Variants in PIGG observed in about 807,000 individuals in gnomAD.
PIGG encodes phosphatidylinositol glycan anchor biosynthesis class G (EMM blood group).
PIGG carries 70 observed loss-of-function variants against 83.2 expected under a neutral mutation model. The ratio of observed to expected loss-of-function variants is 0.84; its 90% CI spans 0.69 to 1.03. The LOEUF is 1.03. PIGG is among the 50% of genes least tolerant of loss of function. PIGG has a pLI of 0.00. For missense variants in PIGG, 1,257 were observed against 1,233.6 expected (o/e 1.02, Z -0.28); for synonymous variants, 532 against 519.5 (o/e 1.02, Z -0.33).
chr4:533,744 T>A, intron 11 of PIGG, 74 bp from the exon 12 acceptor site: 1 of 1,407,802 alleles, frequency 7.1e-7, no homozygotes, highest in Non-Finnish European at 1.0e-6. Context: ...GCTAACATCG[T>A]GGCTCACGCT....
In PIGG at chr4:528,092, G is replaced by A. The variant is rs987853558; in HGVS notation, c.2261+862G>A. ...TGACAGTGACCGTCCCAGTGAGGTC[G>A]GTGCTCTGATAGTGACCCTCTCAGT... On this transcript the variant is annotated intron_variant, in intron 10 of 12. Coordinates refer to ENST00000453061, the MANE Select transcript of PIGG (RefSeq NM_001127178.3). This position sits in a 1 kb window ranked among gnomAD's most constrained non-coding sequence, Gnocchi z 4.8. 3.1e-5 allele frequency: 31 copies of A among 985,284 alleles called. No individual in the cohort carries two copies. In the African/African-American group the frequency reaches 3.3e-4, roughly 11 times the overall value. The allele number at this position is 985,284 out of a possible 1,614,324, so 61.0% of individuals were successfully genotyped here.
In PIGG at chr4:521,783, G is replaced by A. The variant is rs747223582; in HGVS notation, c.1456G>A (p.Val486Ile). ...FYLVILVLSA[V>I]HVIVCTSAES... ...TTTGGTGATCCTGGTTCTTTCGGCC[G>A]TTCACGTCATTGTGTGCACCTCAGC... Residue 486 changes from valine (V) to isoleucine (I), a missense_variant, in exon 8 of 13, where the codon GTT (valine) becomes ATT (isoleucine). By Grantham distance (29) the Val-to-Ile change is conservative. Coordinates refer to ENST00000453061, the MANE Select transcript of PIGG (RefSeq NM_001127178.3). 57 of 1,614,080 alleles carry A rather than the reference G, an allele frequency of 3.5e-5. No individual in the cohort carries two copies. Among genetic ancestry groups the A allele is most frequent in the Admixed American group, 1.5e-4 (9 of 59,998 alleles).
chr4:512,726 A>G (rs972635474), intron 5 of PIGG, among the ~76,000 whole-genome samples: 2 of 151,948 alleles, frequency 1.3e-5, no homozygotes, highest in African/African-American at 4.8e-5. Flanking sequence ...GAGGCAGGAG[A>G]ATCACTTGAA....
intron 6 of PIGG, among the ~76,000 whole-genome samples, chr4:517,490 G>A (rs1724321170): frequency 6.6e-6 from 1 of 152,186 alleles, no homozygotes; most frequent in South Asian, 2.1e-4. Flanking sequence ...CAAGGCAGGT[G>A]CTTGTGGGTG....
intron 5 of PIGG, among the ~76,000 whole-genome samples, chr4:512,619 AG>A (rs1722471737): frequency 6.6e-6 from 1 of 151,968 alleles, no homozygotes; most frequent in Admixed American, 6.5e-5. Context: ...GTTCGAGACC[AG>A]CCTGACCAAC....
At chr4:534,027 C>T in intron 12 of PIGG, 46 bp downstream of exon 12, 2 of 1,584,766 alleles carry the variant, frequency 1.3e-6, no homozygotes, top group South Asian at 1.1e-5. Flanking sequence ...GGCCGGCTGC[C>T]TGGTTTTAAG....
intron 3 of PIGG, chr4:506,774 C>A (rs1719865400): frequency 2.2e-6 from 1 of 456,106 alleles, no homozygotes; most frequent in African/African-American, 2.0e-5. Flanking sequence ...TCAATGTGAT[C>A]ATTGAGTGCT....
intron 5 of PIGG, among the ~76,000 whole-genome samples, chr4:514,937 A>C (rs1723342210): frequency 4.6e-5 from 7 of 152,232 alleles, no homozygotes. Flanking sequence ...AAAGCACTTA[A>C]TGTAAGAAAA....
At chr4:520,473 G>A (rs1355650362) in intron 6 of PIGG, among the ~76,000 whole-genome samples, 3 of 143,342 alleles carry the variant, frequency 2.1e-5, no homozygotes, top group Non-Finnish European at 4.5e-5. Flanking sequence ...AGCAGAGAGG[G>A]CTGGAAGCTC....
At chr4:535,018 T>G (rs1034830057) in intron 12 of PIGG, among the ~76,000 whole-genome samples, 3 of 152,234 alleles carry the variant, frequency 2.0e-5, no homozygotes, top group Non-Finnish European at 4.4e-5. Flanking sequence ...GCACACTCTC[T>G]GCTTCCTCAT....
Position 528,357 on chromosome 4 carries a change from A to G in PIGG, c.2261+1127A>G, listed in dbSNP as rs75217104. The G allele has an allele frequency of 7.5e-4, 739 of 985,364 alleles. 4 individuals are homozygous for G. The African/African-American group carries it at 0.012, about 16-fold the overall frequency. The allele number at this position is 985,364 out of a possible 1,614,324, so 61.0% of individuals were successfully genotyped here. On this transcript the variant is annotated intron_variant, in intron 10 of 12. Transcript: ENST00000453061. This position sits in a 1 kb window ranked among gnomAD's most constrained non-coding sequence, Gnocchi z 4.8. Reference sequence around the variant, plus strand: ...TGTATCTTAGCGATGTCTAGAGTTAATAAGTGTTGCTTTTCTAATCACAGC... The same window carrying G: ...TGTATCTTAGCGATGTCTAGAGTTAGTAAGTGTTGCTTTTCTAATCACAGC...
At chr4:503,349 G>T (rs7695915) in intron 2 of PIGG, among the ~76,000 whole-genome samples, 119,994 of 152,176 alleles carry the variant, frequency 0.79, 47,487 homozygotes, top group African/African-American at 0.86. Flanking sequence ...TTTACGCTCT[G>T]CCCAGTTTGA....
rs559820929 is a variant in PIGG at position 521,526 on chromosome 4, A to G, written c.1333-134A>G. The G allele has an allele frequency of 3.5e-6, 3 of 859,928 alleles. No homozygotes were observed. In the African/African-American group the frequency reaches 5.1e-5, roughly 15 times the overall value. The allele number at this position is 859,928 out of a possible 1,614,324, so 53.3% of individuals were successfully genotyped here. A position where few individuals can be genotyped will look rare whatever the true frequency, so the allele number is the denominator to read the frequency against. Reference sequence around the variant, plus strand: ...ATGCATTTTGGGGCAGTTAATTAGGAATCATCTTTTCCTGAGCTTGCTTTT... The same window carrying G: ...ATGCATTTTGGGGCAGTTAATTAGGGATCATCTTTTCCTGAGCTTGCTTTT... On this transcript the variant is annotated intron_variant, in intron 7 of 12. Coordinates refer to ENST00000453061, the MANE Select transcript of PIGG (RefSeq NM_001127178.3).
Position 516,040 on chromosome 4 carries a change from C to G in PIGG, c.969C>G (p.Gly323=). Residue 323 remains glycine (G), a synonymous_variant, in exon 6 of 13, where the codon GGC becomes GGG. Coordinates refer to ENST00000453061, the MANE Select transcript of PIGG (RefSeq NM_001127178.3). ...DVAATLAIAL[G]LPIPKDSVGS... ...CTGCGACACTGGCGATAGCACTTGG[C>G]TTACCGATTCCAAAAGACAGTGTAG... 6.2e-7 allele frequency: 1 copy of G among 1,614,194 alleles called. No homozygotes were observed. The highest frequency in any genetic ancestry group is 8.5e-7 in the Non-Finnish European group (1 of 1,179,990).
Position 499,487 on chromosome 4 carries a change from C to A in PIGG, c.152C>A (p.Ala51Asp). ...GAGCCCCCAGCGCCCGAACCCTCGG[C>A]TGGTACGGACCCCTCCCCGGCGTCT... is the stretch of plus-strand genomic sequence containing the variant. Reference protein sequence around the residue: ...GAEPPAPEPSAGASSNWTTLP... With the variant: ...GAEPPAPEPSDGASSNWTTLP... The change falls in exon 1 of 13, where the codon GCT (alanine) becomes GAT (aspartate). Residue 51 changes from alanine to aspartate, a missense_variant and splice_region_variant. Transcript: ENST00000453061. 1 of 1,595,358 alleles carries A rather than the reference C, an allele frequency of 6.3e-7. No homozygotes were observed. The highest frequency in any genetic ancestry group is 8.5e-7 in the Non-Finnish European group (1 of 1,177,690).
In PIGG at chr4:539,619, A is replaced by C; in HGVS notation, c.*250A>C. ...CTGAATAAGCTATGGTGTGACCCAAATATGTGTGTTTAAATCAATGAATGA... is the reference window on the plus strand; with the variant it reads ...CTGAATAAGCTATGGTGTGACCCAACTATGTGTGTTTAAATCAATGAATGA... On this transcript the variant is annotated 3_prime_UTR_variant, in exon 13 of 13. Transcript: ENST00000453061. The C allele has an allele frequency of 2.4e-6, 1 of 422,170 alleles. No homozygotes were observed. The allele number at this position is 422,170 out of a possible 1,614,324, so 26.2% of individuals were successfully genotyped here.
At chr4:538,541 A>G (rs1057322976) in intron 12 of PIGG, among the ~76,000 whole-genome samples, 1 of 152,232 alleles carries the variant, frequency 6.6e-6, no homozygotes, top group Non-Finnish European at 1.5e-5. Context: ...ACATGCATAT[A>G]TAATTTTTAA....
intron 10 of PIGG, 55 bp downstream of exon 10, chr4:527,285 G>T: frequency 1.3e-6 from 2 of 1,498,270 alleles, no homozygotes; most frequent in Non-Finnish European, 8.9e-7. Flanking sequence ...TTGAAGAACT[G>T]GCGGACACGG....
rs557673928 is a variant in PIGG at position 512,756 on chromosome 4, A to G, written c.902-3217A>G. Among the ~76,000 whole-genome samples, 5 of 152,186 alleles carry G rather than the reference A, an allele frequency of 3.3e-5. No individual in the cohort carries two copies. In the South Asian group the frequency reaches 1.0e-3, roughly 32 times the overall value. ...CTTGAACCCGGGAGGCAGAGGTTGCAGTGAGCCGAGATCGCACCACTGCAC... is the reference window on the plus strand; with the variant it reads ...CTTGAACCCGGGAGGCAGAGGTTGCGGTGAGCCGAGATCGCACCACTGCAC... On this transcript the variant is annotated intron_variant, in intron 5 of 12. Coordinates refer to ENST00000453061, the MANE Select transcript of PIGG (RefSeq NM_001127178.3).
Sources: allele counts gnomAD v4.1 joint callset (sites outside exome capture counted in the v4.1 genomes callset), GRCh38; gene constraint gnomAD v4.1.1; non-coding constraint Gnocchi (gnomAD v3.1); transcripts MANE v1.5; gene names NCBI Gene and HGNC (gene_info 2026-07-23, HGNC 2026-07-21).